The following SEL1L3 variants were observed in gnomAD, a reference collection of about 807,000 sequenced individuals.
The protein encoded by SEL1L3 is protein sel-1 homolog 3.
A neutral mutation model predicts 142.8 loss-of-function variants in SEL1L3; 76 were observed. The observed-to-expected ratio is 0.53, with a 90% CI of 0.44 to 0.64. The LOEUF (loss-of-function observed/expected upper bound fraction) is 0.64, where lower values mean the gene tolerates loss of function less well. Ranked by LOEUF, SEL1L3 falls within the 30% of genes least tolerant of loss-of-function variation. SEL1L3 has a pLI of 0.00. For missense variants in SEL1L3, 1,262 were observed against 1,381.7 expected (o/e 0.91, Z 1.37); for synonymous variants, 504 against 519.6 (o/e 0.97, Z 0.41).
chr4:25,716,072 G>T, the SEL1L3 span, among the ~76,000 whole-genome samples: 1 of 151,902 alleles, frequency 6.6e-6, no homozygotes, highest in South Asian at 2.1e-4. Flanking sequence ...TAAAATTTTT[G>T]ATATAATAAA....
chr4:25,767,961 T>G (rs1718870923), intron 17 of SEL1L3, 131 bp from the exon 18 acceptor site: 1 of 625,828 alleles, frequency 1.6e-6, no homozygotes, highest in African/African-American at 1.9e-5. Flanking sequence ...TCGTGAGTTT[T>G]TTTAAAAATA....
chr4:25,842,448 G>C (rs1341852439), intron 2 of SEL1L3, among the ~76,000 whole-genome samples: 2 of 152,200 alleles, frequency 1.3e-5, no homozygotes, highest in Non-Finnish European at 2.9e-5. Flanking sequence ...CAAAGACATA[G>C]GGGTGGGGAA....
At chr4:25,746,504 C>CTAAATATATATATATATATATATATT (rs1560268920), downstream of SEL1L3, among the ~76,000 whole-genome samples, 2 of 86,812 alleles carry the variant, frequency 2.3e-5, no homozygotes, top group African/African-American at 1.2e-4. Context: ...GCAATATTAT[C>CTAAATATATATATATATATATATATT]TAAATATATA....
intron 17 of SEL1L3, among the ~76,000 whole-genome samples, chr4:25,771,654 T>G (rs1489634453): frequency 6.6e-6 from 1 of 152,206 alleles, no homozygotes; most frequent in Non-Finnish European, 1.5e-5. Flanking sequence ...GAGCTATGTA[T>G]GCTTACTTGC....
chr4:25,853,183 G>A (rs1717016321), intron 1 of SEL1L3, among the ~76,000 whole-genome samples: 1 of 152,174 alleles, frequency 6.6e-6, no homozygotes, highest in South Asian at 2.1e-4. Context: ...CAAGGTTACA[G>A]TGAGCTATGA....
rs9985515 is a variant in SEL1L3 at position 25,788,455 on chromosome 4, G to A, written c.2077-91C>T. 257,459 of 1,322,556 alleles carry A rather than the reference G, an allele frequency of 0.19. 26,434 individuals carry two copies. The highest frequency in any genetic ancestry group is 0.28 in the Middle Eastern group (1,474 of 5,346). The allele number at this position is 1,322,556 out of a possible 1,614,324, so 81.9% of individuals were successfully genotyped here. A position where few individuals can be genotyped will look rare whatever the true frequency, so the allele number is the denominator to read the frequency against. On this transcript the variant is annotated intron_variant, in intron 12 of 23. Transcript: ENST00000399878. This position sits in a 1 kb window ranked among gnomAD's most constrained non-coding sequence, Gnocchi z 5.3. ...AGGTGGGAGAGCAAACCTACTTTAC[G>A]ATGTTTTAGATTGAGAACCAAGGAT...
At chr4:25,744,844 C>T (rs76085130), downstream of SEL1L3, among the ~76,000 whole-genome samples, 928 of 152,274 alleles carry the variant, frequency 6.1e-3, 6 homozygotes, top group African/African-American at 0.021. Flanking sequence ...CGAAAGGTGA[C>T]GGCCATCTAC....
At chr4:25,819,008 G>C (rs1170875023) in intron 8 of SEL1L3, among the ~76,000 whole-genome samples, 1 of 152,222 alleles carries the variant, frequency 6.6e-6, no homozygotes, top group Non-Finnish European at 1.5e-5. Context: ...TGGAGATAGA[G>C]ACATATGGGC....
At chr4:25,772,978 G>A (rs1382810300) in intron 17 of SEL1L3, among the ~76,000 whole-genome samples, 1 of 152,006 alleles carries the variant, frequency 6.6e-6, no homozygotes, top group Non-Finnish European at 1.5e-5. Flanking sequence ...TTGTATTTTA[G>A]TCGAGATGGG....
In SEL1L3 at chr4:25,830,161, G is replaced by T; in HGVS notation, c.1099-5C>A. On this transcript the variant is annotated splice_polypyrimidine_tract_variant and splice_region_variant and intron_variant, in intron 5 of 23. Coordinates refer to ENST00000399878, the MANE Select transcript of SEL1L3 (RefSeq NM_015187.5). Reference sequence around the variant, plus strand: ...AATGCTAGTGGTTACTACTATCTATGATGGGAGGGATACACAAGAATCAGT... The same window carrying T: ...AATGCTAGTGGTTACTACTATCTATTATGGGAGGGATACACAAGAATCAGT... The T allele has an allele frequency of 6.3e-7, 1 of 1,590,272 alleles. No homozygotes were observed. The highest frequency in any genetic ancestry group is 8.6e-7 in the Non-Finnish European group (1 of 1,158,694).
intron 11 of SEL1L3, among the ~76,000 whole-genome samples, chr4:25,795,595 C>G (rs73260005): frequency 0.096 from 14,596 of 152,162 alleles, 1,086 homozygotes; most frequent in Non-Finnish European, 0.14. Context: ...GGGTGAGAAA[C>G]ACACAGAGGT....
At chr4:25,714,178 G>A in the SEL1L3 span, among the ~76,000 whole-genome samples, 80 of 152,214 alleles carry the variant, frequency 5.3e-4, no homozygotes, top group African/African-American at 1.9e-3. Context: ...ATGAGATTGA[G>A]TTCATGTCAT....
intron 6 of SEL1L3, among the ~76,000 whole-genome samples, chr4:25,826,851 T>G (rs1450478172): frequency 6.6e-6 from 1 of 151,794 alleles, no homozygotes; most frequent in African/African-American, 2.4e-5. Flanking sequence ...TTTAGTAGAG[T>G]TGGGGTTTCA....
intron 23 of SEL1L3, chr4:25,756,993 T>A: frequency 8.4e-7 from 1 of 1,192,092 alleles, no homozygotes; most frequent in South Asian, 1.6e-5. Flanking sequence ...TGAGGCTGGG[T>A]GCAGTGGCCC....
intron 20 of SEL1L3, among the ~76,000 whole-genome samples, chr4:25,763,050 A>G (rs1718486262): frequency 1.3e-5 from 2 of 152,162 alleles, no homozygotes; most frequent in African/African-American, 4.8e-5. Context: ...AGGGACTGCA[A>G]GGGAACATGA....
intron 2 of SEL1L3, among the ~76,000 whole-genome samples, chr4:25,838,670 C>A (rs947516774): frequency 1.3e-5 from 2 of 152,212 alleles, no homozygotes; most frequent in African/African-American, 4.8e-5. Context: ...CCTGGCCCCT[C>A]CTTCAAGTTA....
intron 11 of SEL1L3, among the ~76,000 whole-genome samples, chr4:25,794,325 A>G (rs1712561252): frequency 6.6e-6 from 1 of 152,244 alleles, no homozygotes; most frequent in African/African-American, 2.4e-5. Flanking sequence ...ACAAATTTAC[A>G]AGAAAAAAAA....
the SEL1L3 span, among the ~76,000 whole-genome samples, chr4:25,717,171 T>C: frequency 1.3e-5 from 2 of 151,788 alleles, no homozygotes; most frequent in African/African-American, 4.8e-5. Context: ...AATCCATAAA[T>C]ATATACACCT....
At chr4:25,728,531 T>C in the SEL1L3 span, among the ~76,000 whole-genome samples, 1 of 152,090 alleles carries the variant, frequency 6.6e-6, no homozygotes, top group African/African-American at 2.4e-5. Flanking sequence ...GCATGCCCTT[T>C]CCTACCTACC....
Sources: allele counts gnomAD v4.1 joint callset (sites outside exome capture counted in the v4.1 genomes callset), GRCh38; gene constraint gnomAD v4.1.1; non-coding constraint Gnocchi (gnomAD v3.1); transcripts MANE v1.5; gene names NCBI Gene and HGNC (gene_info 2026-07-23, HGNC 2026-07-21).